Variants in GORASP2 observed in about 807,000 individuals in gnomAD.
GORASP2 encodes the protein Golgi reassembly-stacking protein 2.
In GORASP2, 22 loss-of-function variants were observed where a neutral mutation model predicts 45.7. The observed-to-expected ratio is 0.48, with a 90% CI of 0.34 to 0.69. The LOEUF is 0.69. Ranked by LOEUF, GORASP2 falls within the 30% of genes least tolerant of loss-of-function variation. The pLI, the probability that GORASP2 is intolerant of heterozygous loss-of-function variation, is 0.01. For missense variants in GORASP2, 491 were observed against 562.7 expected, an observed-to-expected ratio of 0.87 and a Z score of 1.29; for synonymous variants, 221 against 215.6, an observed-to-expected ratio of 1.02 and a Z score of -0.22.
chr2:170,945,757 A>G (rs576508362), intron 1 of GORASP2, among the ~76,000 whole-genome samples: 5 of 152,196 alleles, frequency 3.3e-5, no homozygotes, highest in Non-Finnish European at 7.3e-5. Context: ...AAAAGGTAAC[A>G]TTAAGAGGTA....
chr2:170,965,940 C>G lies in GORASP2; in HGVS notation c.1169C>G (p.Thr390Ser). The G allele has an allele frequency of 6.2e-7, 1 of 1,613,978 alleles. No individual in the cohort carries two copies. The highest frequency in any genetic ancestry group is 8.5e-7 in the Non-Finnish European group (1 of 1,179,948). ...GAGCTGCTGTCTTCCCTCCCGCCCA[C>G]CAGCAACGCACCCTCCGACCCTGCC... ...SGELLSSLPPTSNAPSDPATT... is the reference protein window; with the variant it reads ...SGELLSSLPPSSNAPSDPATT... The change falls in exon 10 of 10, where the codon ACC (threonine) becomes AGC (serine). Residue 390 changes from threonine (T) to serine (S), a missense_variant. By Grantham distance (58) the Thr-to-Ser change is moderately conservative. This residue lies in a region of GORASP2 where 297 missense variants were observed against 292.3 expected (regional missense o/e 1.02). Coordinates refer to ENST00000234160, the MANE Select transcript of GORASP2 (RefSeq NM_015530.5).
chr2:170,944,852 G>A (rs1250458477), intron 1 of GORASP2, among the ~76,000 whole-genome samples: 1 of 152,158 alleles, frequency 6.6e-6, no homozygotes, highest in Non-Finnish European at 1.5e-5. Context: ...CAGAGAATTA[G>A]GTGATTAGAT....
chr2:170,966,257 G>GCATCCT lies in GORASP2; in HGVS notation c.*127_*128insCATCCT. On this transcript the variant is annotated 3_prime_UTR_variant, in exon 10 of 10. Transcript: ENST00000234160. ...TAGGCATCCTGTAAATAATTCCAAG[G>GCATCCT]GGAAAACTAAACGAGGACGTGGGTT... is the stretch of plus-strand genomic sequence containing the variant. The GCATCCT allele has an allele frequency of 1.4e-6, 1 of 723,302 alleles. No homozygotes were observed. Among genetic ancestry groups the GCATCCT allele is most frequent in the Non-Finnish European group, 2.4e-6 (1 of 421,004 alleles). 44.8% of individuals were successfully genotyped at this position (723,302 alleles called of 1,614,324 possible).
chr2:170,960,146 A>G (rs990769828), intron 7 of GORASP2, among the ~76,000 whole-genome samples: 3 of 152,002 alleles, frequency 2.0e-5, no homozygotes, highest in Admixed American at 1.3e-4. Flanking sequence ...TTTACATGCT[A>G]TGTATTTTGA....
chr2:170,947,956 A>G (rs1026367452), intron 1 of GORASP2, among the ~76,000 whole-genome samples: 3 of 152,124 alleles, frequency 2.0e-5, no homozygotes, highest in African/African-American at 7.2e-5. Context: ...CCCTGTCTCT[A>G]CAAAAAATAC....
chr2:170,933,645 C>T (rs1041914302), intron 1 of GORASP2, among the ~76,000 whole-genome samples: 5 of 152,152 alleles, frequency 3.3e-5, no homozygotes, highest in Non-Finnish European at 7.3e-5. Flanking sequence ...TTGGAGTGAC[C>T]TCACAGATGC....
chr2:170,966,199 T>C lies in GORASP2; in HGVS notation c.*69T>C, dbSNP rs1704685233. ...GGAGCGTGTCTGGAAACGCAAACTA[T>C]CATTAATTTCATACTAGTTTGTACC... On this transcript the variant is annotated 3_prime_UTR_variant, in exon 10 of 10. Coordinates refer to ENST00000234160, the MANE Select transcript of GORASP2 (RefSeq NM_015530.5). 10 of 1,037,274 alleles carry C rather than the reference T, an allele frequency of 9.6e-6. No individual in the cohort carries two copies. Among genetic ancestry groups the C allele is most frequent in the African/African-American group, 1.6e-5 (1 of 63,908 alleles). The allele number at this position is 1,037,274 out of a possible 1,614,324, so 64.3% of individuals were successfully genotyped here.
intron 7 of GORASP2, among the ~76,000 whole-genome samples, chr2:170,961,432 G>T (rs1189249405): frequency 6.6e-6 from 1 of 152,150 alleles, no homozygotes; most frequent in East Asian, 1.9e-4. Context: ...GGGACTGCAC[G>T]GCCTCTTGCC....
chr2:170,956,895 C>G (rs1704438370), intron 7 of GORASP2, among the ~76,000 whole-genome samples: 1 of 151,806 alleles, frequency 6.6e-6, no homozygotes, highest in South Asian at 2.1e-4. Context: ...GCCTGGTCGA[C>G]AGAGTGAAAA....
chr2:170,938,856 G>A (rs1254560009), intron 1 of GORASP2, among the ~76,000 whole-genome samples: 5 of 152,154 alleles, frequency 3.3e-5, no homozygotes. Flanking sequence ...AGCCAGGCAT[G>A]GCAGTGGGCG....
intron 7 of GORASP2, among the ~76,000 whole-genome samples, chr2:170,956,863 G>A (rs756668392): frequency 2.6e-5 from 4 of 152,120 alleles, no homozygotes; most frequent in Admixed American, 2.6e-4. Context: ...GCAGTGAGCC[G>A]TGATTGTGCC....
intron 1 of GORASP2, among the ~76,000 whole-genome samples, chr2:170,946,796 G>T (rs1456802224): frequency 1.3e-5 from 2 of 151,396 alleles, no homozygotes; most frequent in South Asian, 2.1e-4. Flanking sequence ...AAATTAGGCG[G>T]TGTGGTGGTG....
chr2:170,934,152 T>C (rs542434721), intron 1 of GORASP2, among the ~76,000 whole-genome samples: 1 of 152,288 alleles, frequency 6.6e-6, no homozygotes, highest in East Asian at 1.9e-4. Flanking sequence ...TTCAATTTAG[T>C]ACTTATTTTG....
chr2:170,950,983 CA>C (rs914348989), intron 4 of GORASP2, among the ~76,000 whole-genome samples: 4 of 148,992 alleles, frequency 2.7e-5, no homozygotes, highest in Non-Finnish European at 4.4e-5. Flanking sequence ...GACCCTGTCT[CA>C]AAAAAAGAAG....
chr2:170,949,841 T>G (rs1704260326), intron 3 of GORASP2, 99 bp downstream of exon 3: 4 of 1,081,756 alleles, frequency 3.7e-6, no homozygotes, highest in Admixed American at 2.0e-5. Flanking sequence ...TGTAAGGATA[T>G]TATTAATAGG....
intron 1 of GORASP2, chr2:170,936,575 T>G: frequency 8.5e-7 from 1 of 1,178,568 alleles, no homozygotes; most frequent in South Asian, 1.3e-5. Context: ...CAAATAAATT[T>G]ACTGTAGCAT....
intron 1 of GORASP2, among the ~76,000 whole-genome samples, chr2:170,942,292 A>G (rs749963134): frequency 1.3e-5 from 2 of 152,284 alleles, no homozygotes; most frequent in African/African-American, 2.4e-5. Context: ...TAGTATATTC[A>G]TAGAGTTCTG....
chr2:170,951,067 T>C (rs1343448874), intron 4 of GORASP2, among the ~76,000 whole-genome samples: 1 of 152,164 alleles, frequency 6.6e-6, no homozygotes, highest in Non-Finnish European at 1.5e-5. Context: ...GCAGAATATG[T>C]AGAACTCGGG....
chr2:170,949,759 A>G lies in GORASP2; in HGVS notation c.348+17A>G. 6.5e-7 allele frequency: 1 copy of G among 1,530,880 alleles called. No homozygotes were observed. Among genetic ancestry groups the G allele is most frequent in the Non-Finnish European group, 9.1e-7 (1 of 1,103,970 alleles). The allele number at this position is 1,530,880 out of a possible 1,614,324, so 94.8% of individuals were successfully genotyped here. A position where few individuals can be genotyped will look rare whatever the true frequency, so the allele number is the denominator to read the frequency against. On this transcript the variant is annotated intron_variant, in intron 3 of 9. Transcript: ENST00000234160. ...CATGTGCTGGTACGTATCAACTGTG[A>G]ACTGTTACTGGAGGTTCATGAAGCA...
Sources: allele counts gnomAD v4.1 joint callset (sites outside exome capture counted in the v4.1 genomes callset), GRCh38; gene constraint gnomAD v4.1.1; regional missense constraint gnomAD v4.1.1; transcripts MANE v1.5; gene names NCBI Gene and HGNC (gene_info 2026-07-23, HGNC 2026-07-21).